The following CLMN variants were observed in gnomAD, a reference collection of about 807,000 sequenced individuals.
CLMN encodes the protein calmin, also known as calmin (calponin-like, transmembrane).
CLMN carries 57 observed loss-of-function variants against 92.7 expected under a neutral mutation model. The observed-to-expected ratio is 0.61, with a 90% confidence interval of 0.50 to 0.77. CLMN has a LOEUF of 0.77. CLMN is among the 30% of genes least tolerant of loss of function. The pLI, the probability that CLMN is intolerant of heterozygous loss-of-function variation, is 0.00. For missense variants in CLMN, 1,158 were observed against 1,237.5 expected, an observed-to-expected ratio of 0.94 and a Z score of 0.96; for synonymous variants, 466 against 470.6, an observed-to-expected ratio of 0.99 and a Z score of 0.13.
chr14:95,272,098 A>C (rs1899732853), intron 1 of CLMN, among the ~76,000 whole-genome samples: 1 of 152,222 alleles, frequency 6.6e-6, no homozygotes, highest in South Asian at 2.1e-4. Context: ...TTGAATGGAG[A>C]AAAGTGTGAA....
chr14:95,243,398 A>G (rs1898333489), intron 1 of CLMN, among the ~76,000 whole-genome samples: 1 of 152,166 alleles, frequency 6.6e-6, no homozygotes, highest in South Asian at 2.1e-4. Flanking sequence ...CAAGTCAGGG[A>G]GCCCTACTTG....
At chr14:95,281,578 G>T (rs935299228) in intron 1 of CLMN, among the ~76,000 whole-genome samples, 6 of 152,312 alleles carry the variant, frequency 3.9e-5, no homozygotes, top group East Asian at 3.9e-4. Context: ...CTGCTCAGGA[G>T]AAACAGGGAT....
intron 1 of CLMN, among the ~76,000 whole-genome samples, chr14:95,306,044 A>C (rs756549357): frequency 1.3e-5 from 2 of 152,198 alleles, no homozygotes; most frequent in Non-Finnish European, 2.9e-5. Flanking sequence ...GTGCTCCTGT[A>C]TGCAACGAGT....
At chr14:95,267,761 G>A (rs1205449215) in intron 1 of CLMN, among the ~76,000 whole-genome samples, 3 of 152,076 alleles carry the variant, frequency 2.0e-5, no homozygotes, top group South Asian at 4.2e-4. Flanking sequence ...CCAAAATATG[G>A]AATCAACCTA....
intron 9 of CLMN, among the ~76,000 whole-genome samples, chr14:95,197,324 G>A (rs1026883991): frequency 1.3e-5 from 2 of 148,686 alleles, no homozygotes; most frequent in Non-Finnish European, 3.0e-5. Context: ...GAAAGGACAA[G>A]AAGAAGAAAG....
At chr14:95,239,499 T>C (rs1254135169) in intron 1 of CLMN, among the ~76,000 whole-genome samples, 2 of 152,196 alleles carry the variant, frequency 1.3e-5, no homozygotes, top group African/African-American at 2.4e-5. Flanking sequence ...GAACCACAGA[T>C]TTTGGCGGTT....
At chr14:95,233,128 A>G (rs549950416) in intron 1 of CLMN, among the ~76,000 whole-genome samples, 1 of 152,298 alleles carries the variant, frequency 6.6e-6, no homozygotes, top group Non-Finnish European at 1.5e-5. Flanking sequence ...ATTTACACAC[A>G]CATTCAAACA....
At position 95,215,648 on chromosome 14, in the gene CLMN, A is replaced by T. The variant is rs764052626; in HGVS notation, c.410T>A (p.Phe137Tyr). The T allele has an allele frequency of 6.2e-7, 1 of 1,613,428 alleles. No individual in the cohort carries two copies. The highest frequency in any genetic ancestry group is 8.5e-7 in the Non-Finnish European group (1 of 1,179,312). ...VLGLIWNIIL[F>Y]FQIKELTGNL... ...GAAAAGAAATGATCTTACCTGGAAG[A>T]AGAGGATTATGTTCCATATCAGCCC... Residue 137 changes from phenylalanine to tyrosine, a missense_variant, in exon 5 of 13, where the codon TTC becomes TAC. By Grantham distance (22) the Phe-to-Tyr change is conservative. Transcript: ENST00000298912.
intron 6 of CLMN, among the ~76,000 whole-genome samples, chr14:95,211,377 C>T (rs972532826): frequency 7.9e-5 from 12 of 152,140 alleles, no homozygotes; most frequent in African/African-American, 2.9e-4. Flanking sequence ...GAAGAACGGC[C>T]AAGTCATAGG....
chr14:95,314,139 T>C (rs1901660270), intron 1 of CLMN, among the ~76,000 whole-genome samples: 1 of 152,126 alleles, frequency 6.6e-6, no homozygotes, highest in Non-Finnish European at 1.5e-5. Flanking sequence ...CCCTGAACAC[T>C]CTCGTTCCTT....
chr14:95,277,106 T>C (rs1198681786), intron 1 of CLMN, among the ~76,000 whole-genome samples: 2 of 151,676 alleles, frequency 1.3e-5, no homozygotes, highest in East Asian at 1.9e-4. Flanking sequence ...CTGTGCAAAC[T>C]GGTTGAATGA....
chr14:95,262,119 T>C (rs1899280566), intron 1 of CLMN, among the ~76,000 whole-genome samples: 1 of 152,228 alleles, frequency 6.6e-6, no homozygotes, highest in Non-Finnish European at 1.5e-5. Context: ...TCCACGTGTC[T>C]CCCCACATCG....
At position 95,223,836 on chromosome 14, in the gene CLMN, A is replaced by T. The variant is rs759939186; in HGVS notation, c.164T>A (p.Val55Asp). Residue 55 changes from valine to aspartate, a missense_variant, in exon 3 of 13, where the codon GTT becomes GAT. Val to Asp is a radical substitution (Grantham distance 152). Transcript: ENST00000298912. ...HLEKCNPPLE[V>D]KDLFVDIQDG... ...TTGTATATCGACGAATAAATCTTTA[A>T]CTTCTAGAGGTGGGTTGCACTTTGA... 4.3e-6 allele frequency: 7 copies of T among 1,613,278 alleles called. No homozygotes were observed. Among genetic ancestry groups the T allele is most frequent in the Non-Finnish European group, 5.9e-6 (7 of 1,179,816 alleles).
Position 95,319,869 on chromosome 14 carries a change from C to G in CLMN, c.-77G>C. 2.6e-6 allele frequency: 2 copies of G among 759,158 alleles called. No individual in the cohort carries two copies. Among genetic ancestry groups the G allele is most frequent in the Non-Finnish European group, 3.1e-6 (2 of 638,342 alleles). The allele number at this position is 759,158 out of a possible 1,614,324, so 47.0% of individuals were successfully genotyped here. A position where few individuals can be genotyped will look rare whatever the true frequency, so the allele number is the denominator to read the frequency against. On this transcript the variant is annotated 5_prime_UTR_variant, in exon 1 of 13. Coordinates refer to ENST00000298912, the MANE Select transcript of CLMN (RefSeq NM_024734.4). ...AGAGCCTGGCTGGCGGGCGCGCGAG[C>G]GGCACGCACCCGGCGAGGGCGCCGC...
In CLMN at chr14:95,223,859, T is replaced by C. The variant is rs1229033900; in HGVS notation, c.145-4A>G. 2 of 1,606,324 alleles carry C rather than the reference T, an allele frequency of 1.2e-6. No homozygotes were observed. The highest frequency in any genetic ancestry group is 1.1e-5 in the South Asian group (1 of 89,778). On this transcript the variant is annotated splice_polypyrimidine_tract_variant and splice_region_variant and intron_variant, in intron 2 of 12. Transcript: ENST00000298912. ...TAACTTCTAGAGGTGGGTTGCACTT[T>C]GAAAGAGAAGGGAAGAAAGTAGCCA...
chr14:95,289,518 CAAACA>C (rs1305020010), intron 1 of CLMN, among the ~76,000 whole-genome samples: 10 of 137,576 alleles, frequency 7.3e-5, no homozygotes, highest in East Asian at 2.1e-4. Flanking sequence ...AACAAACAAA[CAAACA>C]AAAAAACCGT....
chr14:95,283,561 G>A (rs557196924), intron 1 of CLMN, among the ~76,000 whole-genome samples: 1 of 152,314 alleles, frequency 6.6e-6, no homozygotes, highest in African/African-American at 2.4e-5. Context: ...CTTGTTGAAT[G>A]GTTTTGCCCA....
intron 1 of CLMN, among the ~76,000 whole-genome samples, chr14:95,288,387 G>A (rs1171697366): frequency 6.6e-6 from 1 of 152,182 alleles, no homozygotes; most frequent in Non-Finnish European, 1.5e-5. Context: ...CCAGTGAGAA[G>A]GCAGGGCTGG....
chr14:95,249,248 C>T (rs972886293), intron 1 of CLMN, among the ~76,000 whole-genome samples: 6 of 152,278 alleles, frequency 3.9e-5, no homozygotes, highest in Middle Eastern at 3.4e-3. Flanking sequence ...GAATGGTAGC[C>T]GTTGTCACTG....
Sources: gnomAD v4.1 joint callset for allele counts (sites outside exome capture counted in the v4.1 genomes callset) on GRCh38, gnomAD v4.1.1 for gene constraint, MANE v1.5 for transcripts, NCBI Gene and HGNC (gene_info 2026-07-23, HGNC 2026-07-21) for gene names.